The following CERK variants were observed in gnomAD, a reference collection of about 807,000 sequenced individuals.
CERK encodes acylsphingosine kinase.
A neutral mutation model predicts 63.4 loss-of-function variants in CERK; 39 were observed. The observed-to-expected ratio is 0.61, with a 90% CI of 0.48 to 0.80. The LOEUF is 0.80. CERK is among the 30% of genes least tolerant of loss of function. The pLI, the probability that CERK is intolerant of heterozygous loss-of-function variation, is 0.00. For missense variants in CERK, 670 were observed against 714.1 expected (o/e 0.94, Z 0.70); for synonymous variants, 302 against 280.0 (o/e 1.08, Z -0.78).
At chr22:46,688,766 C>T (rs1418447244) in intron 12 of CERK, among the ~76,000 whole-genome samples, 1 of 152,270 alleles carries the variant, frequency 6.6e-6, no homozygotes, top group African/African-American at 2.4e-5. Context: ...AGCCTGCTAT[C>T]GCTCTCACGC....
intron 3 of CERK, among the ~76,000 whole-genome samples, chr22:46,718,174 A>G (rs1321428175): frequency 6.6e-6 from 1 of 152,184 alleles, no homozygotes; most frequent in Non-Finnish European, 1.5e-5. Context: ...ATCATATACA[A>G]TTTTTAGCTA....
At chr22:46,691,826 C>T (rs2082733285) in intron 10 of CERK, 49 bp from the exon 11 acceptor site, 20 of 1,531,384 alleles carry the variant, frequency 1.3e-5, no homozygotes, top group Non-Finnish European at 1.8e-5. Context: ...TGGCGCCGGG[C>T]AGCGCCCTGC....
intron 8 of CERK, among the ~76,000 whole-genome samples, chr22:46,697,813 G>A (rs1025539764): frequency 3.9e-5 from 6 of 152,194 alleles, no homozygotes; most frequent in African/African-American, 9.6e-5. Flanking sequence ...CCAATTCTAT[G>A]TATTTTTAAA....
chr22:46,700,670 G>A (rs1261456005), intron 7 of CERK, among the ~76,000 whole-genome samples: 1 of 152,288 alleles, frequency 6.6e-6, no homozygotes, highest in African/African-American at 2.4e-5. Flanking sequence ...TCAAGATCAT[G>A]CCACTGCACT....
At chr22:46,717,636 C>T (rs574927972) in intron 3 of CERK, among the ~76,000 whole-genome samples, 12 of 152,312 alleles carry the variant, frequency 7.9e-5, no homozygotes, top group African/African-American at 2.6e-4. Context: ...GTTTAGAAGT[C>T]GCAGCAGTGG....
chr22:46,696,573 C>T (rs2082757592), intron 8 of CERK, among the ~76,000 whole-genome samples: 1 of 152,210 alleles, frequency 6.6e-6, no homozygotes, highest in South Asian at 2.1e-4. Context: ...AGATGTCCTA[C>T]CGGCACCTAA....
chr22:46,687,305 T>C, intron 12 of CERK, 99 bp from the exon 13 acceptor site: 1 of 462,624 alleles, frequency 2.2e-6, no homozygotes, highest in Admixed American at 4.6e-5. Flanking sequence ...ACCCCACGTG[T>C]CCCTCACTCA....
intron 12 of CERK, among the ~76,000 whole-genome samples, chr22:46,688,877 G>A (rs574679751): frequency 6.6e-6 from 1 of 152,336 alleles, no homozygotes; most frequent in East Asian, 1.9e-4. Flanking sequence ...GAGCTCTACC[G>A]TTCCCCAGTC....
Position 46,690,139 on chromosome 22 carries a change from A to G in CERK, c.1394T>C (p.Met465Thr), listed in dbSNP as rs766498717. ...VKKFQFTSKHMEDEDSDLKEG... is the reference protein window; with the variant it reads ...VKKFQFTSKHTEDEDSDLKEG... ...CTTGAGGTCGCTGTCCTCATCCTCC[A>G]TGTGCTTCGACGTAAACTGGAATTT... Residue 465 changes from methionine to threonine, a missense_variant, in exon 12 of 13, where the codon ATG becomes ACG. Transcript: ENST00000216264. The G allele has an allele frequency of 5.6e-6, 9 of 1,613,902 alleles. No individual in the cohort carries two copies.
Position 46,738,166 on chromosome 22 carries a change from TC to T in CERK, c.-19del. 1 of 1,158,896 alleles carries T rather than the reference TC, an allele frequency of 8.6e-7. No individual in the cohort carries two copies. Among genetic ancestry groups the T allele is most frequent in the South Asian group, 3.2e-5 (1 of 31,648 alleles). 71.8% of individuals were successfully genotyped at this position (1,158,896 alleles called of 1,614,324 possible). A position where few individuals can be genotyped will look rare whatever the true frequency, so the allele number is the denominator to read the frequency against. On this transcript the variant is annotated 5_prime_UTR_variant, in exon 1 of 13. Coordinates refer to ENST00000216264, the MANE Select transcript of CERK (RefSeq NM_022766.6). ...GCCCCCATCTCCGCCGCCGGGCTCG[TC>T]CGCCAGGCTGGGGGCGCGCGGACGC...
chr22:46,707,027 G>A (rs2082816304), intron 6 of CERK, among the ~76,000 whole-genome samples: 1 of 151,694 alleles, frequency 6.6e-6, no homozygotes, highest in Admixed American at 6.6e-5. Flanking sequence ...CCCTTGCTTT[G>A]AGGCAAGGTG....
At chr22:46,713,095 G>T (rs1433062075) in intron 3 of CERK, among the ~76,000 whole-genome samples, 1 of 151,980 alleles carries the variant, frequency 6.6e-6, no homozygotes, top group South Asian at 2.1e-4. Flanking sequence ...CCACATTTCT[G>T]TTTTGGTGGG....
rs936127072 is a variant in CERK at position 46,714,360 on chromosome 22, C to T, written c.380-2067G>A. On this transcript the variant is annotated intron_variant, in intron 3 of 12. Transcript: ENST00000216264. This position sits in a 1 kb window ranked among gnomAD's most constrained non-coding sequence, Gnocchi z 4.4. ...TCTGGAGGCTGAGGTGAGAGAATCA[C>T]TTGAACCTGGGAGGTCGAGGCTGCA... 2.9e-4 allele frequency among the ~76,000 whole-genome samples: 44 copies of T among 152,204 alleles called. No homozygotes were observed. The highest frequency in any genetic ancestry group is 1.0e-3 in the African/African-American group (42 of 41,460).
intron 3 of CERK, among the ~76,000 whole-genome samples, chr22:46,717,646 G>A (rs2082872753): frequency 6.6e-6 from 1 of 152,336 alleles, no homozygotes; most frequent in South Asian, 2.1e-4. Flanking sequence ...CGCAGCAGTG[G>A]TTCCCCTTTG....
At chr22:46,707,484 C>T (rs1318833019) in intron 6 of CERK, among the ~76,000 whole-genome samples, 1 of 152,170 alleles carries the variant, frequency 6.6e-6, no homozygotes, top group East Asian at 1.9e-4. Flanking sequence ...ACCCCTAACT[C>T]CCGGTTCCTT....
intron 12 of CERK, 50 bp downstream of exon 12, chr22:46,689,942 C>T: frequency 6.8e-7 from 1 of 1,467,456 alleles, no homozygotes; most frequent in Non-Finnish European, 9.2e-7. Context: ...TGACAGACAC[C>T]TCAGGGCTCA....
chr22:46,732,043 C>A (rs1271140085), intron 1 of CERK, among the ~76,000 whole-genome samples: 1 of 152,154 alleles, frequency 6.6e-6, no homozygotes, highest in Admixed American at 6.5e-5. Context: ...AGTCATCTGA[C>A]CCAGTCTGTG....
chr22:46,720,813 C>A, intron 2 of CERK, 89 bp downstream of exon 2: 1 of 796,796 alleles, frequency 1.3e-6, no homozygotes, highest in East Asian at 2.5e-5. Flanking sequence ...ATGCATTGAG[C>A]TTGTTAAACA....
chr22:46,690,909 ACCTC>A (rs1255672360), intron 11 of CERK, among the ~76,000 whole-genome samples: 4 of 152,040 alleles, frequency 2.6e-5, no homozygotes, highest in South Asian at 2.1e-4. Flanking sequence ...AAAGATTCAT[ACCTC>A]TTAGTTTCTG....
Sources: gnomAD v4.1 joint callset for allele counts (sites outside exome capture counted in the v4.1 genomes callset) on GRCh38, gnomAD v4.1.1 for gene constraint, Gnocchi (gnomAD v3.1) non-coding constraint, MANE v1.5 for transcripts, NCBI Gene and HGNC (gene_info 2026-07-23, HGNC 2026-07-21) for gene names.